The following PIEZO2 variants were observed in gnomAD, a reference collection of about 807,000 sequenced individuals.
The protein encoded by PIEZO2 is piezo type mechanosensitive ion channel component 2.
Under a neutral mutation model 337.3 loss-of-function variants are expected in PIEZO2, and 172 were observed. The observed-to-expected ratio is 0.51, with a 90% CI of 0.45 to 0.58. The LOEUF is 0.58. Among genes scored for constraint, PIEZO2 ranks in the 20% least tolerant of loss-of-function variants. The probability of loss-of-function intolerance (pLI) is 0.00; values close to 1 mark genes in which losing one functional copy is unlikely to be tolerated. For missense variants in PIEZO2, 3,028 were observed against 3,391.3 expected (o/e 0.89, Z 2.66); for synonymous variants, 1,251 against 1,228.5 (o/e 1.02, Z -0.38).
chr18:11,108,003 C>T (rs1439311524), intron 1 of PIEZO2, among the ~76,000 whole-genome samples: 1 of 152,120 alleles, frequency 6.6e-6, no homozygotes, highest in Non-Finnish European at 1.5e-5. Context: ...CTGGGTTTCA[C>T]AGAAACAAAC....
Position 10,724,952 on chromosome 18 carries a change from C to A in PIEZO2, c.5029+6455G>T. 3 of 1,590,400 alleles carry A rather than the reference C, an allele frequency of 1.9e-6. No homozygotes were observed. Among genetic ancestry groups the A allele is most frequent in the Non-Finnish European group, 2.6e-6 (3 of 1,163,632 alleles). ...CGGCGATGGAACCCAGGTGGGCGCA[C>A]CCTGCGGCCTGCAGCCTCCCTGCCT... On this transcript the variant is annotated intron_variant, in intron 36 of 55. Transcript: ENST00000674853. This position sits in a 1 kb window ranked among gnomAD's most constrained non-coding sequence, Gnocchi z 5.8.
chr18:10,733,864 T>G (rs1000240576), intron 35 of PIEZO2, among the ~76,000 whole-genome samples: 25 of 152,218 alleles, frequency 1.6e-4, no homozygotes, highest in Non-Finnish European at 3.1e-4. Context: ...GAAATTTACA[T>G]GAAAGACCTT....
chr18:10,736,204 CA>C (rs2036987507), intron 34 of PIEZO2, among the ~76,000 whole-genome samples: 2 of 152,210 alleles, frequency 1.3e-5, no homozygotes, highest in Admixed American at 1.3e-4. Flanking sequence ...TGCTCCACAA[CA>C]AAGCAAGGAT....
intron 39 of PIEZO2, among the ~76,000 whole-genome samples, chr18:10,712,453 A>G (rs969470276): frequency 6.6e-5 from 10 of 152,270 alleles, no homozygotes; most frequent in African/African-American, 2.4e-4. Flanking sequence ...GATTGTTGCA[A>G]TAAGAATGAA....
rs2038682766 is a variant in PIEZO2 at position 11,080,010 on chromosome 18, G to C, written c.65-13788C>G. Among the ~76,000 whole-genome samples the C allele has an allele frequency of 6.6e-6, 1 of 152,154 alleles. No homozygotes were observed. Among genetic ancestry groups the C allele is most frequent in the Non-Finnish European group, 1.5e-5 (1 of 68,022 alleles). ...AGATACGGTCAATATCCACCATTTA[G>C]AGGAAGTTAAGGCTCAGAAGGATGC... On this transcript the variant is annotated intron_variant, in intron 1 of 55. Transcript: ENST00000674853. This position sits in a 1 kb window ranked among gnomAD's most constrained non-coding sequence, Gnocchi z 5.4.
chr18:10,992,014 T>C (rs1398774990), intron 2 of PIEZO2, among the ~76,000 whole-genome samples: 2 of 152,246 alleles, frequency 1.3e-5, no homozygotes, highest in Non-Finnish European at 2.9e-5. Context: ...GTTCATTAGA[T>C]GCATAAATGT....
chr18:10,941,423 T>G (rs2032720933), intron 3 of PIEZO2, among the ~76,000 whole-genome samples: 1 of 152,210 alleles, frequency 6.6e-6, no homozygotes, highest in South Asian at 2.1e-4. Flanking sequence ...AAGGGTTGCT[T>G]GTTTAGTATA....
rs2035522552 is a variant in PIEZO2, at chr18:11,001,252, C to A, written c.161-21592G>T. 2.6e-5 allele frequency among the ~76,000 whole-genome samples: 4 copies of A among 152,116 alleles called. No homozygotes were observed. The South Asian group carries it at 6.2e-4, about 24-fold the overall frequency. ...CTCCAGCTCAGAAGGTACTTTATGGCTTATGGTGGATTTTTATGCATGGGT... is the reference window on the plus strand; with the variant it reads ...CTCCAGCTCAGAAGGTACTTTATGGATTATGGTGGATTTTTATGCATGGGT... On this transcript the variant is annotated intron_variant, in intron 2 of 55. Coordinates refer to ENST00000674853, the MANE Select transcript of PIEZO2 (RefSeq NM_001378183.1). The surrounding 1 kb of genome is among the most constrained non-coding windows in gnomAD (Gnocchi z 5.3).
Position 11,031,928 on chromosome 18 carries a change from T to C in PIEZO2, c.160+34199A>G, listed in dbSNP as rs1378442764. On this transcript the variant is annotated intron_variant, in intron 2 of 55. Coordinates refer to ENST00000674853, the MANE Select transcript of PIEZO2 (RefSeq NM_001378183.1). This position sits in a 1 kb window ranked among gnomAD's most constrained non-coding sequence, Gnocchi z 4.7. ...TATTCTCACCATCACATTTCCAAGA[T>C]ACGAGACAAAACTCGTTCTCTCTCT... Among the ~76,000 whole-genome samples, 1 of 152,206 alleles carries C rather than the reference T, an allele frequency of 6.6e-6. No homozygotes were observed. The highest frequency in any genetic ancestry group is 1.5e-5 in the Non-Finnish European group (1 of 68,030).
chr18:11,082,056 G>A (rs980088114), intron 1 of PIEZO2, among the ~76,000 whole-genome samples: 1 of 151,838 alleles, frequency 6.6e-6, no homozygotes, highest in Non-Finnish European at 1.5e-5. Flanking sequence ...CACTGCGCCC[G>A]GCCTCAACTT....
rs898664894 is a variant in PIEZO2, at chr18:10,781,370, T to C, written c.2493-1004A>G. 6.6e-6 allele frequency among the ~76,000 whole-genome samples: 1 copy of C among 151,912 alleles called. No individual in the cohort carries two copies. Among genetic ancestry groups the C allele is most frequent in the Non-Finnish European group, 1.5e-5 (1 of 67,994 alleles). On this transcript the variant is annotated intron_variant, in intron 17 of 55. Transcript: ENST00000674853. This position sits in a 1 kb window ranked among gnomAD's most constrained non-coding sequence, Gnocchi z 4.1. ...CTGTAGTCCCAGCTACTTGGGAGCC[T>C]GAGGCAGAAGAATCACTTGAACCCA...
chr18:10,691,200 A>G (rs1256487279), intron 48 of PIEZO2, 25 bp downstream of exon 48: 1 of 1,606,668 alleles, frequency 6.2e-7, no homozygotes, highest in Admixed American at 1.7e-5. Context: ...CCCATAAGTG[A>G]CTGTGACGTT....
chr18:10,938,976 A>G (rs1200557262), intron 3 of PIEZO2, among the ~76,000 whole-genome samples: 1 of 151,960 alleles, frequency 6.6e-6, no homozygotes, highest in East Asian at 1.9e-4. Flanking sequence ...AGTCCCAGCT[A>G]CTCGGGAGGC....
chr18:10,914,616 C>A (rs2030781637), intron 3 of PIEZO2, among the ~76,000 whole-genome samples: 2 of 152,122 alleles, frequency 1.3e-5, no homozygotes, highest in South Asian at 4.1e-4. Flanking sequence ...TAATTTCGAT[C>A]TGAGGTCAGT....
chr18:10,726,853 T>A lies in PIEZO2; in HGVS notation c.5029+4554A>T. On this transcript the variant is annotated intron_variant, in intron 36 of 55. Transcript: ENST00000674853. The surrounding 1 kb of genome is among the most constrained non-coding windows in gnomAD (Gnocchi z 5.9). ...CCGGATGCCCCACCTTATGCAGGACTTGGCACGCTACCGGCAGCAGCTGAA... is the reference window on the plus strand; with the variant it reads ...CCGGATGCCCCACCTTATGCAGGACATGGCACGCTACCGGCAGCAGCTGAA... The A allele has an allele frequency of 6.3e-7, 1 of 1,592,588 alleles. No individual in the cohort carries two copies. The highest frequency in any genetic ancestry group is 8.6e-7 in the Non-Finnish European group (1 of 1,163,196).
rs2040737771 is a variant in PIEZO2 at position 11,143,774 on chromosome 18, C to G, written c.64+4751G>C. Among the ~76,000 whole-genome samples the G allele has an allele frequency of 6.6e-6, 1 of 152,108 alleles. No individual in the cohort carries two copies. Among genetic ancestry groups the G allele is most frequent in the Admixed American group, 6.6e-5 (1 of 15,264 alleles). ...GCCTTCTCCTGGCCCATGCTCTTAC[C>G]TCCTAGTCTGTTAATTTTGACTGAG... is the stretch of plus-strand genomic sequence containing the variant. On this transcript the variant is annotated intron_variant, in intron 1 of 55. Coordinates refer to ENST00000674853, the MANE Select transcript of PIEZO2 (RefSeq NM_001378183.1). The surrounding 1 kb of genome is among the most constrained non-coding windows in gnomAD (Gnocchi z 4.9).
chr18:10,736,938 A>G (rs893837153), intron 33 of PIEZO2, among the ~76,000 whole-genome samples: 1 of 151,888 alleles, frequency 6.6e-6, no homozygotes, highest in Admixed American at 6.6e-5. Context: ...TTTGCCATGT[A>G]AGAGAACTGG....
intron 10 of PIEZO2, 94 bp from the exon 11 acceptor site, chr18:10,800,569 A>T: frequency 3.0e-6 from 4 of 1,345,648 alleles, no homozygotes; most frequent in Non-Finnish European, 3.9e-6. Context: ...CCCTAACTGA[A>T]CAGTGAGGAG....
rs571722573 is a variant in PIEZO2, at chr18:10,759,468, G to A, written c.3757+14C>T. The A allele has an allele frequency of 2.9e-5, 44 of 1,530,946 alleles. No homozygotes were observed. The East Asian group carries it at 1.0e-3, about 35-fold the overall frequency. The allele number at this position is 1,530,946 out of a possible 1,614,324, so 94.8% of individuals were successfully genotyped here. A position where few individuals can be genotyped will look rare whatever the true frequency, so the allele number is the denominator to read the frequency against. On this transcript the variant is annotated intron_variant, in intron 26 of 55. Transcript: ENST00000674853. This position sits in a 1 kb window ranked among gnomAD's most constrained non-coding sequence, Gnocchi z 5.5. The stretch of plus-strand genomic sequence containing the variant: ...GATACCAGCACTCTGTGGCCCTGCA[G>A]TGGAAACACTTACAGACGAGAAACA...
Sources: allele counts gnomAD v4.1 joint callset (sites outside exome capture counted in the v4.1 genomes callset), GRCh38; gene constraint gnomAD v4.1.1; non-coding constraint Gnocchi (gnomAD v3.1); transcripts MANE v1.5; gene names NCBI Gene and HGNC (gene_info 2026-07-23, HGNC 2026-07-21).